NMNAT2: variants seen among roughly 807,000 people sequenced by gnomAD.
The protein encoded by NMNAT2 is nicotinamide/nicotinic acid mononucleotide adenylyltransferase 2.
A neutral mutation model predicts 41.6 loss-of-function variants in NMNAT2; 11 were observed. The ratio of observed to expected loss-of-function variants is 0.26; its 90% CI spans 0.17 to 0.44. NMNAT2 has a LOEUF of 0.44. Ranked by LOEUF, NMNAT2 falls within the 20% of genes least tolerant of loss-of-function variation. NMNAT2 has a pLI of 1.00. For synonymous variants in NMNAT2, 148 were observed against 151.2 expected (o/e 0.98, Z 0.16); for missense variants, 288 against 407.7 (o/e 0.71, Z 2.53).
In NMNAT2 at chr1:183,389,807, A is replaced by G. The variant is rs796488547; in HGVS notation, c.85+28376T>C. Among the ~76,000 whole-genome samples the G allele has an allele frequency of 1.0e-3, 79 of 76,648 alleles. 9 individuals carry two copies. The highest frequency in any genetic ancestry group is 1.8e-3 in the East Asian group (3 of 1,708). 50.3% of individuals were successfully genotyped at this position (76,648 alleles called of 152,430 possible). ...AAGAAAGAAAGAAAGAAAGAAAGAA[A>G]GAAAGAAAGAAAGAAAGAAAGAAAG... On this transcript the variant is annotated intron_variant, in intron 1 of 10. Transcript: ENST00000287713.
At chr1:183,309,293 C>T (rs1015722261) in intron 1 of NMNAT2, among the ~76,000 whole-genome samples, 1 of 152,154 alleles carries the variant, frequency 6.6e-6, no homozygotes, top group Non-Finnish European at 1.5e-5. Context: ...AGCCACTGTG[C>T]CCGGCCTTTG....
In NMNAT2 at chr1:183,277,715, A is replaced by G. The variant is rs73055739; in HGVS notation, c.651+838T>C. On this transcript the variant is annotated intron_variant, in intron 8 of 10. Coordinates refer to ENST00000287713, the MANE Select transcript of NMNAT2 (RefSeq NM_015039.4). ...CCTATTACTTGGGGGCAAAGATTGTATAGTACAACGTTTCTTTAAAATCTC... is the reference window on the plus strand; with the variant it reads ...CCTATTACTTGGGGGCAAAGATTGTGTAGTACAACGTTTCTTTAAAATCTC... Among the ~76,000 whole-genome samples the G allele has an allele frequency of 6.9e-3, 1,055 of 152,220 alleles. 12 individuals carry two copies. The highest frequency in any genetic ancestry group is 0.024 in the African/African-American group (1,011 of 41,520).
chr1:183,282,959 C>T (rs1661307126), intron 7 of NMNAT2: 1 of 152,068 alleles, frequency 6.6e-6, no homozygotes, highest in African/African-American at 2.4e-5. Context: ...AACTGGTTCA[C>T]AAAATTCCTG....
At chr1:183,407,799 C>A (rs761134179) in intron 1 of NMNAT2, among the ~76,000 whole-genome samples, 7 of 152,170 alleles carry the variant, frequency 4.6e-5, no homozygotes, top group Non-Finnish European at 1.0e-4. Flanking sequence ...ATTTTCTAAT[C>A]ATCAAATATA....
chr1:183,347,187 G>A (rs1269830049), intron 1 of NMNAT2, among the ~76,000 whole-genome samples: 1 of 152,176 alleles, frequency 6.6e-6, no homozygotes, highest in Non-Finnish European at 1.5e-5. Context: ...GGGCACTGCG[G>A]TTCACGCCTG....
intron 8 of NMNAT2, among the ~76,000 whole-genome samples, chr1:183,268,047 G>T (rs542299036): frequency 2.6e-5 from 4 of 152,220 alleles, no homozygotes; most frequent in South Asian, 2.1e-4. Context: ...CTGGTCAAAG[G>T]CTCCCCAGGG....
chr1:183,260,941 T>C lies in NMNAT2; in HGVS notation c.821+61A>G. On this transcript the variant is annotated intron_variant, in intron 10 of 10. Coordinates refer to ENST00000287713, the MANE Select transcript of NMNAT2 (RefSeq NM_015039.4). ...TTAGGGTCATCTTTGATGGAGGAAA[T>C]TTATGTGGAGACTTATAAGACAGTT... 2 of 1,347,762 alleles carry C rather than the reference T, an allele frequency of 1.5e-6. 1 individual carries two copies. 83.5% of individuals were successfully genotyped at this position (1,347,762 alleles called of 1,614,324 possible). A position where few individuals can be genotyped will look rare whatever the true frequency, so the allele number is the denominator to read the frequency against.
chr1:183,416,633 A>G (rs1327205156), intron 1 of NMNAT2, among the ~76,000 whole-genome samples: 1 of 152,192 alleles, frequency 6.6e-6, no homozygotes, highest in Non-Finnish European at 1.5e-5. Context: ...AAGCTGAAGG[A>G]ATGGTGAAGA....
At chr1:183,299,401 G>A (rs915089476) in intron 1 of NMNAT2, among the ~76,000 whole-genome samples, 2 of 151,942 alleles carry the variant, frequency 1.3e-5, no homozygotes, top group Non-Finnish European at 2.9e-5. Flanking sequence ...AATAAAAAAA[G>A]GAACAAATTA....
chr1:183,380,065 G>C (rs886218727), intron 1 of NMNAT2, among the ~76,000 whole-genome samples: 1 of 152,194 alleles, frequency 6.6e-6, no homozygotes, highest in African/African-American at 2.4e-5. Flanking sequence ...GTTTACCATA[G>C]GGTTATTGTT....
chr1:183,255,352 T>G (rs1660488346), intron 10 of NMNAT2, among the ~76,000 whole-genome samples: 1 of 152,236 alleles, frequency 6.6e-6, no homozygotes, highest in African/African-American at 2.4e-5. Flanking sequence ...AGAAGTGTGA[T>G]GCCTCCAACT....
chr1:183,393,907 A>G (rs1200868006), intron 1 of NMNAT2, among the ~76,000 whole-genome samples: 2 of 152,208 alleles, frequency 1.3e-5, no homozygotes, highest in Non-Finnish European at 2.9e-5. Context: ...CCCAGATTCA[A>G]CATTGTTCTC....
intron 1 of NMNAT2, among the ~76,000 whole-genome samples, chr1:183,364,687 T>TTTCTTTCTTTCTTTC (rs1553218937): frequency 8.3e-5 from 3 of 36,326 alleles, no homozygotes; most frequent in Admixed American, 5.8e-4. Flanking sequence ...TTCTTTCTTT[T>TTTCTTTCTTTCTTTC]TTTGTTGTTG....
In NMNAT2 at chr1:183,252,624, C is replaced by A; in HGVS notation, c.*17G>T. On this transcript the variant is annotated 3_prime_UTR_variant, in exon 11 of 11. Coordinates refer to ENST00000287713, the MANE Select transcript of NMNAT2 (RefSeq NM_015039.4). ...AAAGATGGAGGGGCCATTGTGTTGCCGGAGGACGAGGGGCTGCTAGCCGGA... is the reference window on the plus strand; with the variant it reads ...AAAGATGGAGGGGCCATTGTGTTGCAGGAGGACGAGGGGCTGCTAGCCGGA... 6.3e-7 allele frequency: 1 copy of A among 1,576,764 alleles called. No homozygotes were observed. Among genetic ancestry groups the A allele is most frequent in the South Asian group, 1.1e-5 (1 of 90,342 alleles).
At chr1:183,379,578 G>A (rs1663758089) in intron 1 of NMNAT2, among the ~76,000 whole-genome samples, 3 of 152,170 alleles carry the variant, frequency 2.0e-5, no homozygotes, top group African/African-American at 7.2e-5. Context: ...AGCTGGAATA[G>A]TTATATTAAT....
intron 1 of NMNAT2, among the ~76,000 whole-genome samples, chr1:183,376,187 A>G (rs1663675025): frequency 6.6e-6 from 1 of 152,208 alleles, no homozygotes; most frequent in Admixed American, 6.5e-5. Flanking sequence ...TACTGATATA[A>G]TAAATTAATG....
At chr1:183,322,672 G>A (rs116826528) in intron 1 of NMNAT2, among the ~76,000 whole-genome samples, 1,975 of 152,212 alleles carry the variant, frequency 0.013, 29 homozygotes, top group Middle Eastern at 0.075. Flanking sequence ...CTCAATAAGC[G>A]ATCTGGAGCC....
intron 1 of NMNAT2, among the ~76,000 whole-genome samples, chr1:183,397,957 T>C (rs764994570): frequency 1.3e-5 from 2 of 152,156 alleles, no homozygotes; most frequent in East Asian, 3.9e-4. Context: ...TGCAAAAATA[T>C]GCCAAATGGT....
intron 1 of NMNAT2, among the ~76,000 whole-genome samples, chr1:183,361,295 C>A (rs2102359244): frequency 6.6e-6 from 1 of 152,288 alleles, no homozygotes; most frequent in African/African-American, 2.4e-5. Context: ...CTTGGCAAGC[C>A]ACGACTTGTT....
Sources: gnomAD v4.1 joint callset for allele counts (sites outside exome capture counted in the v4.1 genomes callset) on GRCh38, gnomAD v4.1.1 for gene constraint, MANE v1.5 for transcripts, NCBI Gene and HGNC (gene_info 2026-07-23, HGNC 2026-07-21) for gene names.